Variants in U2SURP observed in about 807,000 individuals in gnomAD.
U2SURP encodes the protein U2 snRNP associated SURP domain containing.
A neutral mutation model predicts 144.9 loss-of-function variants in U2SURP; 9 were observed. The observed-to-expected ratio is 0.06, with a 90% confidence interval of 0.04 to 0.11. U2SURP has a LOEUF of 0.11. Among genes scored for constraint, U2SURP ranks in the 10% least tolerant of loss-of-function variants. The pLI is 1.00. For missense variants in U2SURP, 724 were observed against 1,226.7 expected, an observed-to-expected ratio of 0.59 and a Z score of 6.12; for synonymous variants, 408 against 396.8, an observed-to-expected ratio of 1.03 and a Z score of -0.33.
In U2SURP at chr3:143,043,772, AT is replaced by A. The variant is rs559942509; in HGVS notation, c.2544+510del. On this transcript the variant is annotated intron_variant, in intron 24 of 27. Coordinates refer to ENST00000473835, the MANE Select transcript of U2SURP (RefSeq NM_001080415.2). Reference sequence around the variant, plus strand: ...ATGTGTTATGTACTGTGAGAAATCCATTTTTTTTTTTTTTGAGATGGAGTCT... The same window carrying A: ...ATGTGTTATGTACTGTGAGAAATCCATTTTTTTTTTTTTGAGATGGAGTCT... Among the ~76,000 whole-genome samples the A allele has an allele frequency of 1.2e-3, 167 of 140,646 alleles. 1 individual carries two copies. Among genetic ancestry groups the A allele is most frequent in the Admixed American group, 1.4e-3 (20 of 14,054 alleles). The allele number at this position is 140,646 out of a possible 152,430, so 92.3% of individuals were successfully genotyped here.
At chr3:143,026,540 A>G (rs1933158081) in intron 13 of U2SURP, 1 of 152,146 alleles carries the variant, frequency 6.6e-6, no homozygotes, top group Non-Finnish European at 1.5e-5. Context: ...GTCCAAAGGG[A>G]TGTTGCCTCA....
intron 19 of U2SURP, among the ~76,000 whole-genome samples, chr3:143,035,599 G>A (rs1056199244): frequency 2.6e-5 from 4 of 152,128 alleles, no homozygotes; most frequent in East Asian, 1.9e-4. Flanking sequence ...GAATTAGGAA[G>A]TACTTTATTG....
At chr3:143,035,949 TAA>T (rs748907413) in intron 19 of U2SURP, 31 bp from the exon 20 acceptor site, 43 of 1,564,726 alleles carry the variant, frequency 2.7e-5, no homozygotes, top group Non-Finnish European at 3.6e-5. Context: ...TAGCCCAAAA[TAA>T]AAGTTTGTTG....
At chr3:143,055,742 G>A (rs896158805) in intron 27 of U2SURP, among the ~76,000 whole-genome samples, 3 of 151,938 alleles carry the variant, frequency 2.0e-5, no homozygotes, top group Non-Finnish European at 4.4e-5. Flanking sequence ...AATGGCACCT[G>A]TATATATATG....
Position 143,014,325 on chromosome 3 carries a change from C to G in U2SURP, c.237C>G (p.Asn79Lys). 6.3e-7 allele frequency: 1 copy of G among 1,599,730 alleles called. No homozygotes were observed. The change falls in exon 4 of 28, where the codon AAC (asparagine) becomes AAG (lysine). Residue 79 changes from asparagine (N) to lysine (K), a missense_variant. This residue lies in a region of U2SURP where 127 missense variants were observed against 98.2 expected (regional missense o/e 1.29). Coordinates refer to ENST00000473835, the MANE Select transcript of U2SURP (RefSeq NM_001080415.2). ...HQNLSRPLLE[N>K]KLKAFSIGKM... ...TTATTTCTTAGCCTCTTCTGGAAAA[C>G]AAACTTAAAGCATTCAGTATTGGAA...
intron 27 of U2SURP, 66 bp from the exon 28 acceptor site, chr3:143,056,246 T>C (rs1278652649): frequency 6.6e-7 from 1 of 1,504,508 alleles, no homozygotes. Context: ...TTCGATCGTT[T>C]AAGGATAAAC....
intron 6 of U2SURP, among the ~76,000 whole-genome samples, chr3:143,017,516 C>T (rs1222744026): frequency 6.6e-6 from 1 of 151,074 alleles, no homozygotes; most frequent in African/African-American, 2.4e-5. Flanking sequence ...AATATGATTG[C>T]ATTGAATAGT....
chr3:143,022,363 TC>T (rs1936681926), intron 10 of U2SURP, 133 bp from the exon 11 acceptor site: 4 of 699,750 alleles, frequency 5.7e-6, no homozygotes, highest in Admixed American at 3.4e-5. Flanking sequence ...TGTGTGGCGT[TC>T]CTGGTACTTA....
intron 1 of U2SURP, among the ~76,000 whole-genome samples, chr3:143,003,677 C>CTTTTTTTTTTTTTTTTT (rs60505715): frequency 3.9e-5 from 4 of 101,506 alleles, no homozygotes; most frequent in Non-Finnish European, 7.7e-5. Flanking sequence ...TATTTTATTT[C>CTTTTTTTTTTTTTTTTT]TTTTTTTTTT....
At position 143,059,767 on chromosome 3, in the gene U2SURP, A is replaced by C. The variant is rs1272269451; in HGVS notation, c.*3317A>C. On this transcript the variant is annotated 3_prime_UTR_variant, in exon 28 of 28. Coordinates refer to ENST00000473835, the MANE Select transcript of U2SURP (RefSeq NM_001080415.2). ...TCTATTAAGTTTTAGTGAAAAGCCTAATTACAGAAAATTGTGCAGATACTA... is the reference window on the plus strand; with the variant it reads ...TCTATTAAGTTTTAGTGAAAAGCCTCATTACAGAAAATTGTGCAGATACTA... The C allele has an allele frequency of 9.2e-5, 14 of 152,008 alleles. No individual in the cohort carries two copies. The highest frequency in any genetic ancestry group is 9.2e-4 in the Admixed American group (14 of 15,234). 9.4% of individuals were successfully genotyped at this position (152,008 alleles called of 1,614,324 possible).
intron 1 of U2SURP, among the ~76,000 whole-genome samples, chr3:143,006,929 G>A (rs1023265347): frequency 1.3e-5 from 2 of 152,220 alleles, no homozygotes; most frequent in African/African-American, 2.4e-5. Context: ...CGAATGGAGA[G>A]CTCACTAGGC....
chr3:143,046,506 G>A (rs1934467328), intron 24 of U2SURP, among the ~76,000 whole-genome samples: 1 of 112,430 alleles, frequency 8.9e-6, no homozygotes, highest in Non-Finnish European at 1.8e-5. Flanking sequence ...CTTGAGATTA[G>A]GGAGTGGTGA....
intron 8 of U2SURP, 110 bp from the exon 9 acceptor site, chr3:143,021,240 T>C: frequency 8.3e-7 from 1 of 1,198,214 alleles, no homozygotes; most frequent in Middle Eastern, 2.6e-4. Context: ...TCTCTCTTTT[T>C]GTCTCTCAGA....
At chr3:143,044,538 T>A (rs917890681) in intron 24 of U2SURP, among the ~76,000 whole-genome samples, 1 of 152,050 alleles carries the variant, frequency 6.6e-6, no homozygotes, top group Non-Finnish European at 1.5e-5. Flanking sequence ...TTTTCTTTTG[T>A]CCAAGGCTAT....
intron 16 of U2SURP, among the ~76,000 whole-genome samples, chr3:143,029,631 C>G (rs1933362408): frequency 6.6e-6 from 1 of 152,206 alleles, no homozygotes. Context: ...ACAATGGCCT[C>G]TTGAGTATTC....
At chr3:143,029,624 A>G (rs935119045) in intron 16 of U2SURP, among the ~76,000 whole-genome samples, 2 of 152,180 alleles carry the variant, frequency 1.3e-5, no homozygotes, top group African/African-American at 2.4e-5. Flanking sequence ...TAATCCCACA[A>G]TGGCCTCTTG....
chr3:143,028,712 G>T, intron 16 of U2SURP, 66 bp downstream of exon 16: 1 of 1,373,468 alleles, frequency 7.3e-7, no homozygotes, highest in South Asian at 1.4e-5. Context: ...TTAATTAATG[G>T]TCTTATTAAG....
At chr3:143,010,003 A>C (rs1344240540) in intron 1 of U2SURP, among the ~76,000 whole-genome samples, 2 of 152,264 alleles carry the variant, frequency 1.3e-5, no homozygotes. Context: ...CCTCAAAAAT[A>C]AAAACAGCTC....
intron 1 of U2SURP, among the ~76,000 whole-genome samples, chr3:143,010,104 A>G (rs1578113185): frequency 6.6e-6 from 1 of 152,240 alleles, no homozygotes; most frequent in East Asian, 1.9e-4. Context: ...TAATCGTCCT[A>G]CAGCTTGTCA....
Sources: allele counts gnomAD v4.1 joint callset (sites outside exome capture counted in the v4.1 genomes callset), GRCh38; gene constraint gnomAD v4.1.1; regional missense constraint gnomAD v4.1.1; transcripts MANE v1.5; gene names NCBI Gene and HGNC (gene_info 2026-07-23, HGNC 2026-07-21).